Variants in MRPS23 observed in about 807,000 individuals in gnomAD.
MRPS23 encodes the protein small ribosomal subunit protein mS23.
Under a neutral mutation model 19.8 loss-of-function variants are expected in MRPS23, and 14 were observed. The observed-to-expected ratio is 0.71, with a 90% confidence interval of 0.47 to 1.11. The LOEUF is 1.11. Ranked by LOEUF, MRPS23 falls within the 50% of genes least tolerant of loss-of-function variation. The pLI is 0.00. For synonymous variants in MRPS23, 113 were observed against 89.7 expected, an observed-to-expected ratio of 1.26 and a Z score of -1.47; for missense variants, 242 against 236.7, an observed-to-expected ratio of 1.02 and a Z score of -0.15.
At chr17:57,845,106 C>T (rs2073764349) in intron 2 of MRPS23, among the ~76,000 whole-genome samples, 1 of 152,076 alleles carries the variant, frequency 6.6e-6, no homozygotes, top group Non-Finnish European at 1.5e-5. Context: ...CCATGTTGCC[C>T]AGGCTGGTTT....
intron 2 of MRPS23, among the ~76,000 whole-genome samples, chr17:57,846,646 G>A (rs1241618397): frequency 6.6e-6 from 1 of 152,110 alleles, no homozygotes; most frequent in Non-Finnish European, 1.5e-5. Context: ...AACATGTGCT[G>A]TGTCCACTCA....
rs147660636 is a variant in MRPS23 at position 57,837,353 on chromosome 17, A to T, written c.*2430T>A. 5.3e-5 allele frequency: 8 copies of T among 152,374 alleles called. No homozygotes were observed. Among genetic ancestry groups the T allele is most frequent in the Middle Eastern group, 3.4e-3 (1 of 294 alleles). 9.4% of individuals were successfully genotyped at this position (152,374 alleles called of 1,614,324 possible). A position where few individuals can be genotyped will look rare whatever the true frequency, so the allele number is the denominator to read the frequency against. On this transcript the variant is annotated 3_prime_UTR_variant, in exon 5 of 5. Transcript: ENST00000313608. ...CTCAAAATGATCTGCTCCTTGATCC[A>T]GCATCCCATAACTCTAGCAGCCCAT...
chr17:57,847,078 C>G lies in MRPS23; in HGVS notation c.215+2162G>C, dbSNP rs575866356. Among the ~76,000 whole-genome samples, 637 of 150,918 alleles carry G rather than the reference C, an allele frequency of 4.2e-3. 6 individuals carry two copies. The highest frequency in any genetic ancestry group is 0.015 in the African/African-American group (611 of 41,154). On this transcript the variant is annotated intron_variant, in intron 2 of 4. Coordinates refer to ENST00000313608, the MANE Select transcript of MRPS23 (RefSeq NM_016070.4). ...TTTGGGAGGCAAGGCGGGCGGATCA[C>G]GAGGTCAGGAGTTTGAGACCAGCCT...
In MRPS23 at chr17:57,849,983, C is replaced by A. The variant is rs781355760; in HGVS notation, c.28G>T (p.Gly10Trp). The A allele has an allele frequency of 5.0e-6, 8 of 1,590,604 alleles. No homozygotes were observed. In the African/African-American group the frequency reaches 1.1e-4, roughly 21 times the overall value. Residue 10 changes from glycine to tryptophan, a missense_variant, in exon 1 of 5, where the codon GGG becomes TGG. Gly to Trp is a radical substitution (Grantham distance 184). Transcript: ENST00000313608. ...AGCACACACCGAGAGAAGATGCTCC[C>A]TACGGTTTCCAGCCGGCTGCCTGCC... is the stretch of plus-strand genomic sequence containing the variant. MAGSRLETV[G>W]SIFSRTRDLV...
At position 57,837,742 on chromosome 17, in the gene MRPS23, G is replaced by C. The variant is rs1037846258; in HGVS notation, c.*2041C>G. The C allele has an allele frequency of 1.3e-5, 2 of 152,276 alleles. No individual in the cohort carries two copies. Among genetic ancestry groups the C allele is most frequent in the African/African-American group, 4.8e-5 (2 of 41,360 alleles). The allele number at this position is 152,276 out of a possible 1,614,324, so 9.4% of individuals were successfully genotyped here. A position where few individuals can be genotyped will look rare whatever the true frequency, so the allele number is the denominator to read the frequency against. ...GCACTTTGGGCGGCTGAGGCAGGAG[G>C]ATCGCTTGAGGCCAGGAGTTTGAGA... is the stretch of plus-strand genomic sequence containing the variant. On this transcript the variant is annotated 3_prime_UTR_variant, in exon 5 of 5. Transcript: ENST00000313608.
intron 2 of MRPS23, among the ~76,000 whole-genome samples, chr17:57,843,938 G>C (rs925492674): frequency 6.6e-6 from 1 of 152,144 alleles, no homozygotes; most frequent in Admixed American, 6.6e-5. Flanking sequence ...TTTTTATACA[G>C]AAAATTTTAA....
chr17:57,843,863 T>G (rs2073755693), intron 2 of MRPS23, among the ~76,000 whole-genome samples: 1 of 152,228 alleles, frequency 6.6e-6, no homozygotes, highest in South Asian at 2.1e-4. Flanking sequence ...AATTAGTCCT[T>G]TGTCATAACA....
chr17:57,836,471 G>C lies in MRPS23; in HGVS notation c.*3312C>G, dbSNP rs2073706578. 6.6e-6 allele frequency: 1 copy of C among 152,166 alleles called. No individual in the cohort carries two copies. The highest frequency in any genetic ancestry group is 1.5e-5 in the Non-Finnish European group (1 of 68,028). The allele number at this position is 152,166 out of a possible 1,614,324, so 9.4% of individuals were successfully genotyped here. A position where few individuals can be genotyped will look rare whatever the true frequency, so the allele number is the denominator to read the frequency against. ...TCAATTCCTACAGACCATGGTAGAA[G>C]GGAGGGTGTTCCTGCCCAAAGAAAC... On this transcript the variant is annotated 3_prime_UTR_variant, in exon 5 of 5. Transcript: ENST00000313608.
At position 57,836,079 on chromosome 17, in the gene MRPS23, C is replaced by G. The variant is rs574417782; in HGVS notation, c.*3704G>C. On this transcript the variant is annotated 3_prime_UTR_variant, in exon 5 of 5. Transcript: ENST00000313608. ...AAGCGATTCTCCTGCCTCAGCCTGC[C>G]GAGTAGTTGGGATTACAGGAGGCTG... is the stretch of plus-strand genomic sequence containing the variant. 6.6e-6 allele frequency: 1 copy of G among 151,670 alleles called. No homozygotes were observed. Among genetic ancestry groups the G allele is most frequent in the Non-Finnish European group, 1.5e-5 (1 of 68,000 alleles). The allele number at this position is 151,670 out of a possible 1,614,324, so 9.4% of individuals were successfully genotyped here.
intron 2 of MRPS23, among the ~76,000 whole-genome samples, chr17:57,847,499 A>G (rs905909722): frequency 2.6e-5 from 4 of 151,456 alleles, no homozygotes; most frequent in Non-Finnish European, 5.9e-5. Context: ...TGTCTCTACT[A>G]AAAATACAAA....
chr17:57,840,594 T>TG (rs1271066328), intron 4 of MRPS23, among the ~76,000 whole-genome samples: 17 of 152,070 alleles, frequency 1.1e-4, no homozygotes, highest in Non-Finnish European at 1.9e-4. Context: ...GTCAACCCTC[T>TG]GCATCTACAG....
In MRPS23 at chr17:57,837,217, T is replaced by A. The variant is rs1194744518; in HGVS notation, c.*2566A>T. 3 of 152,234 alleles carry A rather than the reference T, an allele frequency of 2.0e-5. No individual in the cohort carries two copies. The highest frequency in any genetic ancestry group is 4.4e-5 in the Non-Finnish European group (3 of 68,040). The allele number at this position is 152,234 out of a possible 1,614,324, so 9.4% of individuals were successfully genotyped here. A position where few individuals can be genotyped will look rare whatever the true frequency, so the allele number is the denominator to read the frequency against. Reference sequence around the variant, plus strand: ...TACAGGGATGGTCTTTCCCTTCTGGTCCAGAGTCCCAGTCTGGTTTAACAA... The same window carrying A: ...TACAGGGATGGTCTTTCCCTTCTGGACCAGAGTCCCAGTCTGGTTTAACAA... On this transcript the variant is annotated 3_prime_UTR_variant, in exon 5 of 5. Coordinates refer to ENST00000313608, the MANE Select transcript of MRPS23 (RefSeq NM_016070.4).
chr17:57,839,836 C>G lies in MRPS23; in HGVS notation c.520G>C (p.Asp174His). ...TCTGCAGGTGCCTCCAAATGCTGGT[C>G]CTGTGGAACTTCTTTCTGAGTCTCG... Reference protein sequence around the residue: ...ENETQKEVPQDQHLEAPADQS... With the variant: ...ENETQKEVPQHQHLEAPADQS... Residue 174 changes from aspartate to histidine, a missense_variant, in exon 5 of 5, where the codon GAC becomes CAC. Transcript: ENST00000313608. 1 of 1,614,182 alleles carries G rather than the reference C, an allele frequency of 6.2e-7. No individual in the cohort carries two copies. Among genetic ancestry groups the G allele is most frequent in the South Asian group, 1.1e-5 (1 of 91,084 alleles).
chr17:57,844,694 C>T lies in MRPS23; in HGVS notation c.216-3434G>A, dbSNP rs375045407. On this transcript the variant is annotated intron_variant, in intron 2 of 4. Coordinates refer to ENST00000313608, the MANE Select transcript of MRPS23 (RefSeq NM_016070.4). ...GCTGAGAAGGAGAAATGCTTGAACC[C>T]GGGAGGTGGAGGCTGCAGTGAGCTG... Among the ~76,000 whole-genome samples the T allele has an allele frequency of 5.0e-4, 75 of 148,678 alleles. 1 individual carries two copies. The South Asian group carries it at 0.016, about 31-fold the overall frequency.
rs2073699533 is a variant in MRPS23 at position 57,835,583 on chromosome 17, CCAGTT to C, written c.*4195_*4199del. ...GCCACCATGATCTTATCTCATCCTA[CCAGTT>C]CAAATGGGCTTTTCCACTACTGCTC... On this transcript the variant is annotated 3_prime_UTR_variant, in exon 5 of 5. Coordinates refer to ENST00000313608, the MANE Select transcript of MRPS23 (RefSeq NM_016070.4). 1.3e-5 allele frequency: 2 copies of C among 152,258 alleles called. No individual in the cohort carries two copies. The highest frequency in any genetic ancestry group is 2.4e-5 in the African/African-American group (1 of 41,462). 9.4% of individuals were successfully genotyped at this position (152,258 alleles called of 1,614,324 possible).
chr17:57,840,779 A>G (rs965175658), intron 4 of MRPS23, 147 bp downstream of exon 4: 7 of 908,288 alleles, frequency 7.7e-6, no homozygotes. Flanking sequence ...GGATATGTGT[A>G]GGTTATATGC....
At position 57,838,038 on chromosome 17, in the gene MRPS23, C is replaced by T. The variant is rs183934969; in HGVS notation, c.*1745G>A. 8 of 151,338 alleles carry T rather than the reference C, an allele frequency of 5.3e-5. No homozygotes were observed. Among genetic ancestry groups the T allele is most frequent in the Admixed American group, 4.6e-4 (7 of 15,178 alleles). 9.4% of individuals were successfully genotyped at this position (151,338 alleles called of 1,614,324 possible). A position where few individuals can be genotyped will look rare whatever the true frequency, so the allele number is the denominator to read the frequency against. The stretch of plus-strand genomic sequence containing the variant: ...GCATGGTGGCTAACACCCGTAATCC[C>T]AGCATTTTGGGAGGTTGAGATGGGT... On this transcript the variant is annotated 3_prime_UTR_variant, in exon 5 of 5. Coordinates refer to ENST00000313608, the MANE Select transcript of MRPS23 (RefSeq NM_016070.4).
At chr17:57,845,991 G>A (rs1300998978) in intron 2 of MRPS23, among the ~76,000 whole-genome samples, 2 of 152,072 alleles carry the variant, frequency 1.3e-5, no homozygotes, top group African/African-American at 4.8e-5. Context: ...ACAGGCTAAG[G>A]CCACAACAGG....
chr17:57,849,522 A>T, intron 1 of MRPS23, 112 bp from the exon 2 acceptor site: 1 of 1,308,140 alleles, frequency 7.6e-7, no homozygotes, highest in Non-Finnish European at 1.0e-6. Flanking sequence ...TGCAACACAG[A>T]ACGGGGAAGG....
Sources: gnomAD v4.1 joint callset for allele counts (sites outside exome capture counted in the v4.1 genomes callset) on GRCh38, gnomAD v4.1.1 for gene constraint, MANE v1.5 for transcripts, NCBI Gene and HGNC (gene_info 2026-07-23, HGNC 2026-07-21) for gene names.